KRT24: variants seen among roughly 807,000 people sequenced by gnomAD.
KRT24 encodes the protein keratin, type I cytoskeletal 24.
KRT24 carries 44 observed loss-of-function variants against 51.7 expected under a neutral mutation model. The observed-to-expected ratio is 0.85, with a 90% CI of 0.67 to 1.09. KRT24 has a LOEUF of 1.09. Among genes scored for constraint, KRT24 ranks in the 50% least tolerant of loss-of-function variants. KRT24 has a pLI of 0.00. For missense variants in KRT24, 633 were observed against 647.0 expected (o/e 0.98, Z 0.24); for synonymous variants, 241 against 249.5 (o/e 0.97, Z 0.32).
chr17:40,703,302 C>T lies in KRT24; in HGVS notation c.392G>A (p.Gly131Asp). Residue 131 changes from glycine (G) to aspartate (D), a missense_variant, in exon 1 of 8, where the codon GGC becomes GAC. Physicochemically the swap from Gly to Asp is moderately conservative, Grantham distance 94. Coordinates refer to ENST00000264651, the MANE Select transcript of KRT24 (RefSeq NM_019016.3). Reference protein sequence around the residue: ...SYGGGMGGGVGDGGLFSGGEK... With the variant: ...SYGGGMGGGVDDGGLFSGGEK... ...CCCTCCAGAGAAAAGCCCCCCATCG[C>T]CAACACCACCTCCCATACCACCACC... The T allele has an allele frequency of 6.2e-7, 1 of 1,614,014 alleles. No individual in the cohort carries two copies. Among genetic ancestry groups the T allele is most frequent in the Non-Finnish European group, 8.5e-7 (1 of 1,179,996 alleles).
At position 40,701,890 on chromosome 17, in the gene KRT24, A is replaced by G; in HGVS notation, c.659T>C (p.Ile220Thr). The G allele has an allele frequency of 1.3e-6, 2 of 1,542,978 alleles. No homozygotes were observed. The highest frequency in any genetic ancestry group is 2.5e-5 in the South Asian group (2 of 81,232). The change falls in exon 2 of 8, where the codon ATT becomes ACT. Residue 220 changes from isoleucine (I) to threonine (T), a missense_variant. Physicochemically the swap from Ile to Thr is moderately conservative, Grantham distance 89 (BLOSUM62 -1). Transcript: ENST00000264651. ...TVENAGIILH[I>T]DNARLAADDF... ...ATCAGCAGCCAATCTGGCATTGTCA[A>G]TGTGCAAAATGATCCCAGCATTTTC...
At position 40,698,289 on chromosome 17, in the gene KRT24, C is replaced by T. The variant is rs767622364; in HGVS notation, c.1526G>A (p.Gly509Asp). ...TKTIVEELVD[G>D]KVVSSQVSSI... ...GCTGACTTGAGACGAGACAACCTTG[C>T]CATCCACCAACTCCTCTACGATAGT... Residue 509 changes from glycine (G) to aspartate (D), a missense_variant, in exon 8 of 8, where the codon GGC (glycine) becomes GAC (aspartate). By Grantham distance (94) the Gly-to-Asp change is moderately conservative. Coordinates refer to ENST00000264651, the MANE Select transcript of KRT24 (RefSeq NM_019016.3). 1.4e-5 allele frequency: 23 copies of T among 1,613,470 alleles called. No homozygotes were observed. The highest frequency in any genetic ancestry group is 1.8e-5 in the Non-Finnish European group (21 of 1,179,658).
chr17:40,702,900 T>G (rs942399502), intron 1 of KRT24, among the ~76,000 whole-genome samples, 179 bp downstream of exon 1: 5 of 152,188 alleles, frequency 3.3e-5, no homozygotes, highest in Admixed American at 2.0e-4. Context: ...AACAGAAAAT[T>G]AATGTGATTG....
chr17:40,699,706 T>G, intron 5 of KRT24, 45 bp from the exon 6 acceptor site: 1 of 1,539,716 alleles, frequency 6.5e-7, no homozygotes, highest in Non-Finnish European at 8.9e-7. Context: ...AAATAAATCA[T>G]TGGATGATTT....
At chr17:40,701,047 G>A (rs2037669945) in intron 3 of KRT24, 93 bp downstream of exon 3, 1 of 1,289,576 alleles carries the variant, frequency 7.8e-7, no homozygotes, top group South Asian at 1.4e-5. Flanking sequence ...AAAGGCATGA[G>A]CCACTGCACC....
intron 1 of KRT24, 106 bp downstream of exon 1, chr17:40,702,973 G>A: frequency 1.1e-5 from 13 of 1,226,470 alleles, no homozygotes; most frequent in Non-Finnish European, 1.4e-5. Flanking sequence ...TATGTAACAA[G>A]CAAATATGTT....
rs2037657985 is a variant in KRT24, at chr17:40,700,113, A to G, written c.1028T>C (p.Leu343Pro). Residue 343 changes from leucine (L) to proline (P), a missense_variant, in exon 5 of 8, where the codon CTA (leucine) becomes CCA (proline). Coordinates refer to ENST00000264651, the MANE Select transcript of KRT24 (RefSeq NM_019016.3). ...AGCATCAGTGGAGATTTGTGCTTGT[A>G]GTGATGCGCTCTAAATACAAACATA... ...EERFNKQSASLQAQISTDAGA... is the reference protein window; with the variant it reads ...EERFNKQSASPQAQISTDAGA... The G allele has an allele frequency of 6.2e-7, 1 of 1,614,034 alleles. No individual in the cohort carries two copies. Among genetic ancestry groups the G allele is most frequent in the Admixed American group, 1.7e-5 (1 of 60,004 alleles).
At position 40,703,617 on chromosome 17, in the gene KRT24, C is replaced by G. The variant is rs780827895; in HGVS notation, c.77G>C (p.Ser26Thr). 6.2e-6 allele frequency: 10 copies of G among 1,612,178 alleles called. No homozygotes were observed. The highest frequency in any genetic ancestry group is 8.5e-6 in the Non-Finnish European group (10 of 1,179,196). The change falls in exon 1 of 8, where the codon AGC (serine) becomes ACC (threonine). Residue 26 changes from serine (S) to threonine (T), a missense_variant. Transcript: ENST00000264651. Reference sequence around the variant, plus strand: ...ACCACATCTGCTTCCACTGCTGAAGCTGCTTCCACCAGCAGACACCCTGGC... The same window carrying G: ...ACCACATCTGCTTCCACTGCTGAAGGTGCTTCCACCAGCAGACACCCTGGC... ...SSARVSAGGSSFSSGSRCGLG... is the reference protein window; with the variant it reads ...SSARVSAGGSTFSSGSRCGLG...
chr17:40,703,300 C>T lies in KRT24; in HGVS notation c.394G>A (p.Asp132Asn), dbSNP rs771847519. ...TCCCCTCCAGAGAAAAGCCCCCCAT[C>T]GCCAACACCACCTCCCATACCACCA... is the stretch of plus-strand genomic sequence containing the variant. ...YGGGMGGGVG[D>N]GGLFSGGEKQ... Residue 132 changes from aspartate (D) to asparagine (N), a missense_variant, in exon 1 of 8, where the codon GAT (aspartate) becomes AAT (asparagine). By Grantham distance (23) the Asp-to-Asn change is conservative. Transcript: ENST00000264651. The T allele has an allele frequency of 1.4e-5, 23 of 1,613,930 alleles. No individual in the cohort carries two copies. The South Asian group carries it at 1.5e-4, about 11-fold the overall frequency.
chr17:40,698,341 C>T lies in KRT24; in HGVS notation c.1475-1G>A, dbSNP rs1246695912. 1 of 1,596,282 alleles carries T rather than the reference C, an allele frequency of 6.3e-7. No individual in the cohort carries two copies. The highest frequency in any genetic ancestry group is 8.6e-7 in the Non-Finnish European group (1 of 1,164,624). On this transcript the variant is annotated splice_acceptor_variant, in intron 7 of 7. Coordinates refer to ENST00000264651, the MANE Select transcript of KRT24 (RefSeq NM_019016.3). LOFTEE classifies it high-confidence loss of function. ...TTAGTCACTCTAGTCTTGCTTGAAT[C>T]TGAAAATCATGGGATTGCAATGTCA...
At position 40,698,558 on chromosome 17, in the gene KRT24, C is replaced by T. The variant is rs747547032; in HGVS notation, c.1454G>A (p.Ser485Asn). The T allele has an allele frequency of 2.4e-5, 39 of 1,605,368 alleles. No individual in the cohort carries two copies. Among genetic ancestry groups the T allele is most frequent in the Non-Finnish European group, 3.3e-5 (39 of 1,173,144 alleles). ...TCTACCTCGTCCTTGACCAGAACAGCTTCCAGATCTTGAGTCACCAGATAC... is the reference window on the plus strand; with the variant it reads ...TCTACCTCGTCCTTGACCAGAACAGTTTCCAGATCTTGAGTCACCAGATAC... ...DLVSGDSRSGSCSGQGRDSSK... is the reference protein window; with the variant it reads ...DLVSGDSRSGNCSGQGRDSSK... Residue 485 changes from serine (S) to asparagine (N), a missense_variant, in exon 7 of 8, where the codon AGC (serine) becomes AAC (asparagine). Transcript: ENST00000264651.
chr17:40,702,005 G>C (rs1392879139), intron 1 of KRT24, 72 bp from the exon 2 acceptor site: 3 of 696,346 alleles, frequency 4.3e-6, no homozygotes, highest in South Asian at 2.2e-5. Flanking sequence ...ACTTGTAAGG[G>C]TAGCTGTTGC....
rs749718569 is a variant in KRT24, at chr17:40,698,227, T to G, written c.*10A>C. The G allele has an allele frequency of 1.9e-6, 3 of 1,569,488 alleles. No homozygotes were observed. Among genetic ancestry groups the G allele is most frequent in the Non-Finnish European group, 2.6e-6 (3 of 1,140,970 alleles). ...TCTTTGAAAGACACTTTTGTTGATC[T>G]GGAAGTTCCTTATTTAACTTTCACC... On this transcript the variant is annotated 3_prime_UTR_variant, in exon 8 of 8. Transcript: ENST00000264651.
Position 40,699,558 on chromosome 17 carries a change from T to C in KRT24, c.1247A>G (p.Gln416Arg), listed in dbSNP as rs866937206. The C allele has an allele frequency of 1.9e-6, 3 of 1,614,026 alleles. No individual in the cohort carries two copies. The African/African-American group carries it at 4.0e-5, about 22-fold the overall frequency. ...CTGGCATTTAGTCTCACCCCAGATCTGGCAGATCTCCTCCTCCAGGGCACT... is the reference window on the plus strand; with the variant it reads ...CTGGCATTTAGTCTCACCCCAGATCCGGCAGATCTCCTCCTCCAGGGCACT... ...QISALEEEIC[Q>R]IWGETKCQNA... Residue 416 changes from glutamine (Q) to arginine (R), a missense_variant, in exon 6 of 8, where the codon CAG becomes CGG. Physicochemically the swap from Gln to Arg is conservative, Grantham distance 43. Coordinates refer to ENST00000264651, the MANE Select transcript of KRT24 (RefSeq NM_019016.3).
intron 5 of KRT24, 115 bp downstream of exon 5, chr17:40,699,883 T>C: frequency 7.8e-7 from 1 of 1,282,942 alleles, no homozygotes; most frequent in Non-Finnish European, 1.1e-6. Flanking sequence ...ATAATCATAA[T>C]GCAGTTCTCC....
Position 40,703,528 on chromosome 17 carries a change from AC to A in KRT24, c.165del (p.Ser56LeufsTer18), listed in dbSNP as rs757751236. 2 of 1,424,074 alleles carry A rather than the reference AC, an allele frequency of 1.4e-6. No individual in the cohort carries two copies. Among genetic ancestry groups the A allele is most frequent in the Non-Finnish European group, 1.9e-6 (2 of 1,061,710 alleles). 88.2% of individuals were successfully genotyped at this position (1,424,074 alleles called of 1,614,324 possible). A position where few individuals can be genotyped will look rare whatever the true frequency, so the allele number is the denominator to read the frequency against. ...AAGCTGCCCCCAAAAGCACCGCTAGACCCCCCACTCAGGCTGCAGCTGCTGG... is the reference window on the plus strand; with the variant it reads ...AAGCTGCCCCCAAAAGCACCGCTAGACCCCCACTCAGGCTGCAGCTGCTGG... Reference protein sequence around the residue: ...GGASSCSLSGGSSGAFGGSFG... With the variant: ...GGASSCSLSGXSSGAFGGSFG... On this transcript the variant is annotated frameshift_variant, in exon 1 of 8. Coordinates refer to ENST00000264651, the MANE Select transcript of KRT24 (RefSeq NM_019016.3). LOFTEE classifies it high-confidence loss of function.
At position 40,698,329 on chromosome 17, in the gene KRT24, T is replaced by C. The variant is rs1222742557; in HGVS notation, c.1486A>G (p.Thr496Ala). Residue 496 changes from threonine to alanine, a missense_variant, in exon 8 of 8, where the codon ACT (threonine) becomes GCT (alanine). By Grantham distance (58) the Thr-to-Ala change is moderately conservative. Transcript: ENST00000264651. ...TCTACGATAGTCTTAGTCACTCTAG[T>C]CTTGCTTGAATCTGAAAATCATGGG... The part of the protein sequence containing the change: ...CSGQGRDSSK[T>A]RVTKTIVEEL... 2 of 1,608,520 alleles carry C rather than the reference T, an allele frequency of 1.2e-6. No individual in the cohort carries two copies. The highest frequency in any genetic ancestry group is 1.7e-5 in the Admixed American group (1 of 59,972).
intron 3 of KRT24, 124 bp downstream of exon 3, chr17:40,701,016 G>T: frequency 1.1e-6 from 1 of 886,438 alleles, no homozygotes; most frequent in Non-Finnish European, 1.7e-6. Flanking sequence ...CCCTGCCTCG[G>T]CCTCCAGAGT....
Position 40,700,279 on chromosome 17 carries a change from C to T in KRT24, c.960G>A (p.Gln320=). ...LTKLLNDMRA[Q]YEELAEQNRR... is the part of the protein sequence containing the mutation. ...GGTTTTGCTCAGCCAGCTCCTCGTA[C>T]TGCGCCCTCATGTCATTCAGTAATT... is the stretch of plus-strand genomic sequence containing the variant. Residue 320 remains glutamine (Q), a synonymous_variant, in exon 4 of 8, where the codon CAG becomes CAA. Transcript: ENST00000264651. 6.2e-7 allele frequency: 1 copy of T among 1,614,178 alleles called. No homozygotes were observed. Among genetic ancestry groups the T allele is most frequent in the Non-Finnish European group, 8.5e-7 (1 of 1,180,028 alleles).
Sources: allele counts gnomAD v4.1 joint callset (sites outside exome capture counted in the v4.1 genomes callset), GRCh38; gene constraint gnomAD v4.1.1; transcripts MANE v1.5; gene names NCBI Gene and HGNC (gene_info 2026-07-23, HGNC 2026-07-21).